Variants in ADAMTS3 observed in about 807,000 individuals in gnomAD.
ADAMTS3 encodes the protein A disintegrin and metalloproteinase with thrombospondin motifs 3.
In ADAMTS3, 73 loss-of-function variants were observed where a neutral mutation model predicts 129.0. That is an observed-to-expected ratio of 0.57 (90% CI 0.47 to 0.69). The LOEUF (loss-of-function observed/expected upper bound fraction) is 0.69, where lower values mean the gene tolerates loss of function less well. Among genes scored for constraint, ADAMTS3 ranks in the 30% least tolerant of loss-of-function variants. The probability of loss-of-function intolerance (pLI) is 0.00; values close to 1 mark genes in which losing one functional copy is unlikely to be tolerated. For missense variants in ADAMTS3, 1,457 were observed against 1,514.5 expected (o/e 0.96, Z 0.63); for synonymous variants, 477 against 510.8 (o/e 0.93, Z 0.89).
At chr4:72,451,019 A>AGAAGAGAAGAGAAC (rs1718390526) in intron 3 of ADAMTS3, among the ~76,000 whole-genome samples, 1 of 71,030 alleles carries the variant, frequency 1.4e-5, no homozygotes, top group Non-Finnish European at 3.2e-5. Flanking sequence ...GAGAAGAGAA[A>AGAAGAGAAGAGAAC]TTTGCAACAG....
intron 4 of ADAMTS3, among the ~76,000 whole-genome samples, chr4:72,342,986 A>C (rs777433986): frequency 6.6e-6 from 1 of 152,334 alleles, no homozygotes; most frequent in Non-Finnish European, 1.5e-5. Context: ...GAAAAAGGAG[A>C]ACAGCTCTCT....
Position 72,342,635 on chromosome 4 carries a change from G to A in ADAMTS3, c.662-2942C>T, listed in dbSNP as rs147811621. On this transcript the variant is annotated intron_variant, in intron 4 of 21. Coordinates refer to ENST00000286657, the MANE Select transcript of ADAMTS3 (RefSeq NM_014243.3). The stretch of plus-strand genomic sequence containing the variant: ...GATCTGCCTGCCTCAGCCTCCCAAA[G>A]TGCTGGGATTATAGGCGTGAGCCAC... Among the ~76,000 whole-genome samples the A allele has an allele frequency of 5.5e-4, 83 of 152,202 alleles. 1 individual carries two copies. The East Asian group carries it at 0.014, about 26-fold the overall frequency.
chr4:72,385,223 G>A (rs1001168408), intron 4 of ADAMTS3, among the ~76,000 whole-genome samples: 9 of 151,618 alleles, frequency 5.9e-5, no homozygotes, highest in Non-Finnish European at 1.2e-4. Context: ...ATGAACCTAT[G>A]TGATTACAAA....
At chr4:72,523,836 A>G (rs1374898860) in intron 3 of ADAMTS3, among the ~76,000 whole-genome samples, 3 of 152,136 alleles carry the variant, frequency 2.0e-5, no homozygotes, top group African/African-American at 7.2e-5. Context: ...TTATATGTCT[A>G]TTTATCAAAT....
At chr4:72,376,654 A>G (rs1178326207) in intron 4 of ADAMTS3, among the ~76,000 whole-genome samples, 2 of 152,136 alleles carry the variant, frequency 1.3e-5, no homozygotes, top group African/African-American at 4.8e-5. Flanking sequence ...CTGCATTTCT[A>G]ACTAGTTCTA....
At chr4:72,495,297 T>C (rs963853656) in intron 3 of ADAMTS3, among the ~76,000 whole-genome samples, 3 of 152,154 alleles carry the variant, frequency 2.0e-5, no homozygotes, top group Admixed American at 1.3e-4. Flanking sequence ...AGAGTCATTG[T>C]AGGGAACTGG....
At position 72,309,535 on chromosome 4, in the gene ADAMTS3, T is replaced by A; in HGVS notation, c.2056-15A>T. ...CAGCCCACTTTCTGGAGAGAGAAGATGTCAAATGTGGCTAATTTTAGTGTG... is the reference window on the plus strand; with the variant it reads ...CAGCCCACTTTCTGGAGAGAGAAGAAGTCAAATGTGGCTAATTTTAGTGTG... On this transcript the variant is annotated splice_polypyrimidine_tract_variant and intron_variant, in intron 14 of 21. Coordinates refer to ENST00000286657, the MANE Select transcript of ADAMTS3 (RefSeq NM_014243.3). 6.2e-7 allele frequency: 1 copy of A among 1,610,444 alleles called. No homozygotes were observed. Among genetic ancestry groups the A allele is most frequent in the Non-Finnish European group, 8.5e-7 (1 of 1,177,414 alleles).
intron 3 of ADAMTS3, among the ~76,000 whole-genome samples, chr4:72,520,929 T>C (rs1720654313): frequency 6.6e-6 from 1 of 152,098 alleles, no homozygotes; most frequent in South Asian, 2.1e-4. Flanking sequence ...ACCCGTCTTC[T>C]GCATCGCTCA....
chr4:72,284,444 C>CA (rs11292771), intron 21 of ADAMTS3, among the ~76,000 whole-genome samples: 391 of 123,552 alleles, frequency 3.2e-3, no homozygotes, highest in South Asian at 0.023. Flanking sequence ...GACTCTGTCT[C>CA]AAAAAAAAAA....
chr4:72,481,746 A>G (rs955852293), intron 3 of ADAMTS3, among the ~76,000 whole-genome samples: 11 of 152,154 alleles, frequency 7.2e-5, no homozygotes, highest in Admixed American at 7.2e-4. Context: ...AGACAAGTCA[A>G]AAAGTGGTAG....
chr4:72,432,586 C>T (rs531934424), intron 3 of ADAMTS3, among the ~76,000 whole-genome samples: 50 of 151,914 alleles, frequency 3.3e-4, no homozygotes, highest in Non-Finnish European at 6.2e-4. Flanking sequence ...AGAACCTTGA[C>T]AGCTATGTCT....
intron 15 of ADAMTS3, among the ~76,000 whole-genome samples, chr4:72,308,451 T>G (rs1719145116): frequency 6.6e-6 from 1 of 151,946 alleles, no homozygotes. Flanking sequence ...CAATGACAAT[T>G]TACTTAACGT....
At chr4:72,433,634 T>C (rs1722749687) in intron 3 of ADAMTS3, among the ~76,000 whole-genome samples, 1 of 151,950 alleles carries the variant, frequency 6.6e-6, no homozygotes. Context: ...GGTACTGTTC[T>C]ATAAGAAATG....
chr4:72,294,259 A>G (rs901401007), intron 19 of ADAMTS3, among the ~76,000 whole-genome samples: 2 of 152,122 alleles, frequency 1.3e-5, no homozygotes, highest in African/African-American at 2.4e-5. Context: ...TGGAACTCAC[A>G]GAAGTGGAGA....
rs577081033 is a variant in ADAMTS3, at chr4:72,309,677, T to A, written c.2056-157A>T. Among the ~76,000 whole-genome samples, 216 of 151,846 alleles carry A rather than the reference T, an allele frequency of 1.4e-3. 2 individuals are homozygous for A. The highest frequency in any genetic ancestry group is 4.9e-3 in the African/African-American group (201 of 41,436). On this transcript the variant is annotated intron_variant, in intron 14 of 21. Coordinates refer to ENST00000286657, the MANE Select transcript of ADAMTS3 (RefSeq NM_014243.3). ...CATAATTTTTAATACCTCAGTTTTT[T>A]AAAAAAAATAATGGGAAACCAAATG...
In ADAMTS3 at chr4:72,481,608, A is replaced by C. The variant is rs146167375; in HGVS notation, c.505-66637T>G. Among the ~76,000 whole-genome samples the C allele has an allele frequency of 3.2e-3, 488 of 152,260 alleles. 4 individuals are homozygous for C. The highest frequency in any genetic ancestry group is 0.011 in the African/African-American group (462 of 41,576). On this transcript the variant is annotated intron_variant, in intron 3 of 21. Coordinates refer to ENST00000286657, the MANE Select transcript of ADAMTS3 (RefSeq NM_014243.3). ...TCATAAGACTTTTAGAAAAAAACAT[A>C]GGAGAAAAATCTTCAGGATCTAGAG... is the stretch of plus-strand genomic sequence containing the variant.
intron 4 of ADAMTS3, among the ~76,000 whole-genome samples, chr4:72,366,923 CCT>C (rs1342166657): frequency 6.6e-6 from 1 of 151,802 alleles, no homozygotes; most frequent in Non-Finnish European, 1.5e-5. Context: ...CATTCCTCCT[CCT>C]CTCTCTCTTT....
Position 72,339,506 on chromosome 4 carries a change from G to C in ADAMTS3, c.849C>G (p.Thr283=). Residue 283 remains threonine, a synonymous_variant, in exon 5 of 22, where the codon ACC becomes ACG. Coordinates refer to ENST00000286657, the MANE Select transcript of ADAMTS3 (RefSeq NM_014243.3). The stretch of plus-strand genomic sequence containing the variant: ...AGTCACTACTCACAATGTTCATTAG[G>C]GTCAGGAGGTAGTTTTGGACGTGCT... ...GKEHVQNYLL[T]LMNIVNEIYH... is the part of the protein sequence containing the mutation. The C allele has an allele frequency of 1.2e-6, 2 of 1,613,854 alleles. No homozygotes were observed. Among genetic ancestry groups the C allele is most frequent in the Non-Finnish European group, 8.5e-7 (1 of 1,179,806 alleles).
intron 4 of ADAMTS3, among the ~76,000 whole-genome samples, chr4:72,385,984 T>C (rs1443518420): frequency 6.6e-6 from 1 of 152,162 alleles, no homozygotes; most frequent in Non-Finnish European, 1.5e-5. Context: ...GTGATTTCCA[T>C]GTATTTTTTT....
Sources: allele counts gnomAD v4.1 joint callset (sites outside exome capture counted in the v4.1 genomes callset), GRCh38; gene constraint gnomAD v4.1.1; transcripts MANE v1.5; gene names NCBI Gene and HGNC (gene_info 2026-07-23, HGNC 2026-07-21).